The following UBASH3A variants were observed in gnomAD, a reference collection of about 807,000 sequenced individuals.
The protein encoded by UBASH3A is ubiquitin associated and SH3 domain containing A.
In UBASH3A, 63 loss-of-function variants were observed where a neutral mutation model predicts 73.5. The observed-to-expected ratio is 0.86, with a 90% CI of 0.70 to 1.06. UBASH3A has a LOEUF of 1.06. Among genes scored for constraint, UBASH3A ranks in the 50% least tolerant of loss-of-function variants. The probability of loss-of-function intolerance (pLI) is 0.00; values close to 1 mark genes in which losing one functional copy is unlikely to be tolerated. For missense variants in UBASH3A, 860 were observed against 859.0 expected (o/e 1.00, Z -0.02); for synonymous variants, 363 against 351.1 (o/e 1.03, Z -0.38).
At position 42,416,660 on chromosome 21, in the gene UBASH3A, C is replaced by G. The variant is rs538509440; in HGVS notation, c.837+49C>G. On this transcript the variant is annotated intron_variant, in intron 6 of 14. Coordinates refer to ENST00000319294, the MANE Select transcript of UBASH3A (RefSeq NM_018961.4). ...ATAAGAAGCAGATGAATGGGCTGGG[C>G]TCGGTGGCTCACGCCTGTAATCCCA... is the stretch of plus-strand genomic sequence containing the variant. 3.5e-6 allele frequency: 5 copies of G among 1,431,704 alleles called. No homozygotes were observed. The Admixed American group carries it at 1.1e-4, about 32-fold the overall frequency. 88.7% of individuals were successfully genotyped at this position (1,431,704 alleles called of 1,614,324 possible). A position where few individuals can be genotyped will look rare whatever the true frequency, so the allele number is the denominator to read the frequency against.
chr21:42,429,842 G>A (rs1320770728), intron 8 of UBASH3A, among the ~76,000 whole-genome samples: 3 of 151,956 alleles, frequency 2.0e-5, no homozygotes, highest in East Asian at 3.9e-4. Context: ...TGGCCTTACC[G>A]TATATCCGTT....
rs754955712 is a variant in UBASH3A at position 42,444,660 on chromosome 21, G to T, written c.1848+17G>T. The T allele has an allele frequency of 1.9e-6, 3 of 1,559,160 alleles. No homozygotes were observed. In the African/African-American group the frequency reaches 4.1e-5, roughly 21 times the overall value. On this transcript the variant is annotated intron_variant, in intron 14 of 14. Transcript: ENST00000319294. ...GTGAGAAAGGTACGCGCCCACTCTT[G>T]GCTCTTTGGGCCACAAAATCAAGCA...
In UBASH3A at chr21:42,409,497, G is replaced by C. The variant is rs555915116; in HGVS notation, c.243G>C (p.Thr81=). 1.2e-6 allele frequency: 2 copies of C among 1,614,042 alleles called. No individual in the cohort carries two copies. The highest frequency in any genetic ancestry group is 2.2e-5 in the East Asian group (1 of 44,882). The part of the protein sequence containing the change: ...PQEYALFLCP[T]GPLLEKLQEF... Reference sequence around the variant, plus strand: ...AGTATGCCCTTTTCCTCTGTCCAACGGGGCCCCTGCTGGAAAAACTTCAAG... The same window carrying C: ...AGTATGCCCTTTTCCTCTGTCCAACCGGGCCCCTGCTGGAAAAACTTCAAG... The change falls in exon 3 of 15, where the codon ACG becomes ACC. Residue 81 remains threonine (T), a synonymous_variant. Coordinates refer to ENST00000319294, the MANE Select transcript of UBASH3A (RefSeq NM_018961.4).
chr21:42,438,480 A>G (rs1326055276), intron 11 of UBASH3A, among the ~76,000 whole-genome samples: 4 of 152,166 alleles, frequency 2.6e-5, no homozygotes, highest in Admixed American at 2.6e-4. Flanking sequence ...CCCACAGTTC[A>G]TGAGCATGAG....
intron 14 of UBASH3A, 79 bp from the exon 15 acceptor site, chr21:42,446,978 G>T: frequency 1.3e-6 from 2 of 1,506,452 alleles, no homozygotes; most frequent in Non-Finnish European, 9.0e-7. Flanking sequence ...AGGTGTGCCT[G>T]ACAGTTGGCT....
rs1356735925 is a variant in UBASH3A at position 42,406,295 on chromosome 21, T to A, written c.114-13T>A. 6.2e-7 allele frequency: 1 copy of A among 1,613,544 alleles called. No individual in the cohort carries two copies. Among genetic ancestry groups the A allele is most frequent in the Non-Finnish European group, 8.5e-7 (1 of 1,179,432 alleles). ...GGCGACGTGACTTTGTGTCTGTGTC[T>A]GCTCTTCTGCAGGCTGAAAGCGTTG... is the stretch of plus-strand genomic sequence containing the variant. On this transcript the variant is annotated splice_polypyrimidine_tract_variant and intron_variant, in intron 1 of 14. Coordinates refer to ENST00000319294, the MANE Select transcript of UBASH3A (RefSeq NM_018961.4).
intron 11 of UBASH3A, among the ~76,000 whole-genome samples, chr21:42,441,087 G>A (rs560423709): frequency 1.3e-5 from 2 of 152,176 alleles, no homozygotes; most frequent in Non-Finnish European, 2.9e-5. Context: ...TGGTGATGAT[G>A]CCTGTTTAAA....
chr21:42,439,893 TACCACACACACACCACACACCTCACACAC>T (rs2053704431), intron 11 of UBASH3A, among the ~76,000 whole-genome samples: 1 of 104,232 alleles, frequency 9.6e-6, no homozygotes, highest in East Asian at 2.9e-4. Flanking sequence ...TGAACACACA[TACCACACACACACCACACACCTCACACAC>T]ACCACACACA....
chr21:42,423,452 C>A (rs1400028379), intron 7 of UBASH3A, among the ~76,000 whole-genome samples: 1 of 152,228 alleles, frequency 6.6e-6, no homozygotes, highest in Non-Finnish European at 1.5e-5. Flanking sequence ...AGTTCACCAC[C>A]TGATCCAATC....
At position 42,433,550 on chromosome 21, in the gene UBASH3A, G is replaced by A. The variant is rs572636844; in HGVS notation, c.1271-1282G>A. ...GAGTGATCACAGCTGAAGTGTCAAT[G>A]ACAGCAAAATACCTAAATGGAGTGT... On this transcript the variant is annotated intron_variant, in intron 9 of 14. Coordinates refer to ENST00000319294, the MANE Select transcript of UBASH3A (RefSeq NM_018961.4). Among the ~76,000 whole-genome samples, 9 of 152,286 alleles carry A rather than the reference G, an allele frequency of 5.9e-5. No homozygotes were observed. In the South Asian group the frequency reaches 1.7e-3, roughly 28 times the overall value.
At chr21:42,418,252 CCAGA>C in intron 6 of UBASH3A, 145 bp from the exon 7 acceptor site, 2 of 698,236 alleles carry the variant, frequency 2.9e-6, no homozygotes, top group South Asian at 3.4e-5. Context: ...CTATATATTG[CCAGA>C]CAAAGCTTTG....
chr21:42,407,945 T>C (rs1015152372), intron 2 of UBASH3A, among the ~76,000 whole-genome samples: 2 of 152,260 alleles, frequency 1.3e-5, no homozygotes, highest in Admixed American at 6.5e-5. Context: ...CAAACTTCAC[T>C]AGACACGTGT....
At position 42,418,463 on chromosome 21, in the gene UBASH3A, T is replaced by C. The variant is rs990890833; in HGVS notation, c.900T>C (p.Gly300=). 6.2e-7 allele frequency: 1 copy of C among 1,614,246 alleles called. No individual in the cohort carries two copies. Among genetic ancestry groups the C allele is most frequent in the South Asian group, 1.1e-5 (1 of 91,086 alleles). ...QNVDELTLSP[G]DYIFVDPTQQ... ...TGGATGAGCTGACGCTAAGTCCTGG[T>C]GACTACATCTTTGTGGACCCCACGC... Residue 300 remains glycine, a synonymous_variant, in exon 7 of 15, where the codon GGT becomes GGC. Transcript: ENST00000319294.
intron 11 of UBASH3A, among the ~76,000 whole-genome samples, chr21:42,442,211 TTC>T (rs1425166526): frequency 7.2e-5 from 11 of 152,322 alleles, no homozygotes; most frequent in Non-Finnish European, 1.6e-4. Flanking sequence ...ACTCTGGCCC[TTC>T]CTGGCACACA....
In UBASH3A at chr21:42,434,976, T is replaced by C. The variant is rs767168458; in HGVS notation, c.1393+22T>C. 1.1e-5 allele frequency: 17 copies of C among 1,612,590 alleles called. No individual in the cohort carries two copies. In the South Asian group the frequency reaches 1.5e-4, roughly 15 times the overall value. On this transcript the variant is annotated intron_variant, in intron 10 of 14. Transcript: ENST00000319294. ...GCAGGTATGTTTGAGGACTGTCTAG[T>C]AGGAAAGGTAACAATAACAGCAACA...
chr21:42,412,376 G>A (rs1226063707), intron 3 of UBASH3A, among the ~76,000 whole-genome samples: 3 of 152,318 alleles, frequency 2.0e-5, no homozygotes, highest in Admixed American at 6.5e-5. Flanking sequence ...CAGGGAGGCC[G>A]GGCCAGGGGC....
chr21:42,443,259 C>A, intron 12 of UBASH3A, 53 bp from the exon 13 acceptor site: 1 of 1,575,252 alleles, frequency 6.3e-7, no homozygotes, highest in Non-Finnish European at 8.6e-7. Context: ...GCTGAGCCTT[C>A]CTAATCCCTA....
At chr21:42,425,570 A>T (rs2053419843) in intron 7 of UBASH3A, among the ~76,000 whole-genome samples, 1 of 152,242 alleles carries the variant, frequency 6.6e-6, no homozygotes, top group Non-Finnish European at 1.5e-5. Context: ...GATCAACTCA[A>T]GTGTGCATTT....
chr21:42,428,986 A>G (rs2053485544), intron 8 of UBASH3A, among the ~76,000 whole-genome samples: 1 of 152,144 alleles, frequency 6.6e-6, no homozygotes, highest in Admixed American at 6.5e-5. Context: ...GATTGAGTGG[A>G]GGGTCTTGAA....
Sources: gnomAD v4.1 joint callset for allele counts (sites outside exome capture counted in the v4.1 genomes callset) on GRCh38, gnomAD v4.1.1 for gene constraint, MANE v1.5 for transcripts, NCBI Gene and HGNC (gene_info 2026-07-23, HGNC 2026-07-21) for gene names.